Variants in MXRA8 observed in about 807,000 individuals in gnomAD.
MXRA8 encodes the protein matrix remodeling associated 8.
In MXRA8, 44 loss-of-function variants were observed where a neutral mutation model predicts 51.4. The observed-to-expected ratio is 0.86, with a 90% CI of 0.67 to 1.10. The LOEUF is 1.10. Among genes scored for constraint, MXRA8 ranks in the 50% least tolerant of loss-of-function variants. The pLI, the probability that MXRA8 is intolerant of heterozygous loss-of-function variation, is 0.00. For synonymous variants in MXRA8, 369 were observed against 293.5 expected, an observed-to-expected ratio of 1.26 and a Z score of -2.63; for missense variants, 765 against 638.9, an observed-to-expected ratio of 1.20 and a Z score of -2.13.
rs547100598 is a variant in MXRA8, at chr1:1,355,305, C to T, written c.417G>A (p.Leu139=). The T allele has an allele frequency of 5.7e-6, 9 of 1,580,188 alleles. No homozygotes were observed. In the African/African-American group the frequency reaches 7.0e-5, roughly 12 times the overall value. The change falls in exon 4 of 10, where the codon CTG becomes CTA. Residue 139 remains leucine (L), a synonymous_variant. Coordinates refer to ENST00000309212, the MANE Select transcript of MXRA8 (RefSeq NM_032348.4). ...CGTAGAGGTGGCAGTAGTGATGGTG[C>T]AGGTTGCAGGTGTACAGCCCCGCGT... ...ETDAGLYTCN[L]HHHYCHLYES...
upstream of MXRA8, among the ~76,000 whole-genome samples, chr1:1,360,123 C>T (rs544058842): frequency 1.9e-4 from 29 of 152,336 alleles, no homozygotes; most frequent in Middle Eastern, 3.4e-3. Flanking sequence ...CTGAGAGGGG[C>T]GCCTGGTCCG....
chr1:1,354,605 C>A, intron 5 of MXRA8, 77 bp downstream of exon 5: 2 of 1,551,126 alleles, frequency 1.3e-6, no homozygotes, highest in Non-Finnish European at 1.7e-6. Flanking sequence ...GGGCCTCGGG[C>A]AAGGGACAGC....
At chr1:1,362,315 A>G (rs985390249), upstream of MXRA8, among the ~76,000 whole-genome samples, 1 of 152,234 alleles carries the variant, frequency 6.6e-6, no homozygotes, top group African/African-American at 2.4e-5. Flanking sequence ...TACAGGCAAG[A>G]AGGTTTGAAA....
At chr1:1,356,173 A>G (rs1434590286) in intron 2 of MXRA8, among the ~76,000 whole-genome samples, 1 of 35,064 alleles carries the variant, frequency 2.9e-5, no homozygotes, top group South Asian at 1.2e-3. Flanking sequence ...CCTAGGGCCC[A>G]TGTGGGGGAA....
Position 1,353,592 on chromosome 1 carries a change from C to A in MXRA8, c.*12G>T. 1 of 1,560,082 alleles carries A rather than the reference C, an allele frequency of 6.4e-7. No individual in the cohort carries two copies. The highest frequency in any genetic ancestry group is 2.3e-5 in the East Asian group (1 of 42,678). ...GTGCAGCTGCTGGCCCAGCCAGGAG[C>A]CCAGGGCCTCCCTATTTGCAGTTCT... On this transcript the variant is annotated 3_prime_UTR_variant, in exon 10 of 10. Coordinates refer to ENST00000309212, the MANE Select transcript of MXRA8 (RefSeq NM_032348.4).
Position 1,354,483 on chromosome 1 carries a change from C to A in MXRA8, c.976G>T (p.Val326Phe), listed in dbSNP as rs141809370. The A allele has an allele frequency of 2.6e-4, 415 of 1,612,250 alleles. 3 individuals are homozygous for A. The East Asian group carries it at 4.2e-3, about 16-fold the overall frequency. ...CTCTCGGGGACGATGACATTGATGA[C>A]GTTGTGGCCGCGCGCCAGTGTGGGG... ...PDPTLARGHNVINVIVPESRA... is the reference protein window; with the variant it reads ...PDPTLARGHNFINVIVPESRA... The change falls in exon 6 of 10, where the codon GTC becomes TTC. Residue 326 changes from valine (V) to phenylalanine (F), a missense_variant. Physicochemically the swap from Val to Phe is conservative, Grantham distance 50. Transcript: ENST00000309212.
chr1:1,355,357 G>A lies in MXRA8; in HGVS notation c.377-12C>T. 1 of 1,569,654 alleles carries A rather than the reference G, an allele frequency of 6.4e-7. No individual in the cohort carries two copies. Among genetic ancestry groups the A allele is most frequent in the Non-Finnish European group, 8.6e-7 (1 of 1,162,496 alleles). ...CGTCTCCTCCACCGCTGCGCACCCA[G>A]GAGGAAGCCGCGCGTGAGCCTTGCG... On this transcript the variant is annotated splice_polypyrimidine_tract_variant and intron_variant, in intron 3 of 9. Transcript: ENST00000309212.
At chr1:1,359,974 G>A (rs555437725), upstream of MXRA8, among the ~76,000 whole-genome samples, 2 of 152,338 alleles carry the variant, frequency 1.3e-5, no homozygotes, top group East Asian at 3.9e-4. Context: ...ACACTCTGGG[G>A]CCTTGGCCTC....
intron 1 of MXRA8, among the ~76,000 whole-genome samples, chr1:1,357,370 G>A (rs998914126): frequency 2.6e-5 from 4 of 152,250 alleles, no homozygotes; most frequent in Non-Finnish European, 2.9e-5. Flanking sequence ...CCAGACGCCC[G>A]CCCTACGCAC....
At chr1:1,353,662 T>C (rs1253165814) in intron 9 of MXRA8, 33 bp from the exon 10 acceptor site, 3 of 1,548,198 alleles carry the variant, frequency 1.9e-6, no homozygotes, top group Admixed American at 3.8e-5. Context: ...GGTTGGCGGC[T>C]GTCCTCCACC....
intron 3 of MXRA8, 25 bp from the exon 4 acceptor site, chr1:1,355,370 C>A (rs1186812567): frequency 1.3e-6 from 2 of 1,562,022 alleles, no homozygotes; most frequent in African/African-American, 1.4e-5. Flanking sequence ...GGAAGCCGCG[C>A]GTGAGCCTTG....
At chr1:1,356,991 C>G (rs139450358) in intron 1 of MXRA8, among the ~76,000 whole-genome samples, 1 of 151,424 alleles carries the variant, frequency 6.6e-6, no homozygotes, top group Admixed American at 6.6e-5. Context: ...CGGGGCCACT[C>G]CACCTGGCTG....
upstream of MXRA8, chr1:1,358,596 G>C: frequency 1.3e-6 from 2 of 1,512,440 alleles, no homozygotes; most frequent in Admixed American, 2.2e-5. Flanking sequence ...TAGCACCCGC[G>C]GTGACATCAC....
chr1:1,363,069 G>A (rs375340181), upstream of MXRA8, among the ~76,000 whole-genome samples: 38 of 147,908 alleles, frequency 2.6e-4, no homozygotes, highest in East Asian at 6.4e-3. Flanking sequence ...GTGATAGGGC[G>A]AGACTCCGTC....
rs1644067949 is a variant in MXRA8, at chr1:1,354,201, C to G, written c.1137G>C (p.Lys379Asn). ...GYEYSDQKSG[K>N]SKGKDVNLAE... Reference sequence around the variant, plus strand: ...GGGAGGGGGGCACTCACCCCTTTGACTTTCCCGACTTCTGGTCCGAGTATT... The same window carrying G: ...GGGAGGGGGGCACTCACCCCTTTGAGTTTCCCGACTTCTGGTCCGAGTATT... Residue 379 changes from lysine (K) to asparagine (N), a missense_variant, in exon 7 of 10, where the codon AAG (lysine) becomes AAC (asparagine). Physicochemically the swap from Lys to Asn is moderately conservative, Grantham distance 94. Coordinates refer to ENST00000309212, the MANE Select transcript of MXRA8 (RefSeq NM_032348.4). 6.2e-7 allele frequency: 1 copy of G among 1,612,576 alleles called. No individual in the cohort carries two copies. Among genetic ancestry groups the G allele is most frequent in the Non-Finnish European group, 8.5e-7 (1 of 1,179,980 alleles).
At chr1:1,353,825 C>T (rs201656439) in intron 9 of MXRA8, 23 bp downstream of exon 9, 42 of 1,555,544 alleles carry the variant, frequency 2.7e-5, no homozygotes, top group African/African-American at 4.1e-5. Flanking sequence ...CTGAGATGGG[C>T]TGAGGTCGCC....
chr1:1,353,123 C>G lies in MXRA8; in HGVS notation c.*481G>C. The G allele has an allele frequency of 1.4e-6, 1 of 733,172 alleles. No homozygotes were observed. Among genetic ancestry groups the G allele is most frequent in the Non-Finnish European group, 2.4e-6 (1 of 420,238 alleles). The allele number at this position is 733,172 out of a possible 1,614,324, so 45.4% of individuals were successfully genotyped here. ...AGGCAGCACCCCAGGAGGAGTGGGACTCCTGCCGAGGCTGACCCCAACTTC... is the reference window on the plus strand; with the variant it reads ...AGGCAGCACCCCAGGAGGAGTGGGAGTCCTGCCGAGGCTGACCCCAACTTC... On this transcript the variant is annotated 3_prime_UTR_variant, in exon 10 of 10. Transcript: ENST00000309212.
In MXRA8 at chr1:1,354,484, G is replaced by T; in HGVS notation, c.975C>A (p.Asn325Lys). 6.2e-7 allele frequency: 1 copy of T among 1,612,278 alleles called. No individual in the cohort carries two copies. The highest frequency in any genetic ancestry group is 1.1e-5 in the South Asian group (1 of 91,070). Residue 325 changes from asparagine to lysine, a missense_variant, in exon 6 of 10, where the codon AAC becomes AAA. Coordinates refer to ENST00000309212, the MANE Select transcript of MXRA8 (RefSeq NM_032348.4). ...GPDPTLARGH[N>K]VINVIVPESR... is the part of the protein sequence containing the mutation. ...TCTCGGGGACGATGACATTGATGAC[G>T]TTGTGGCCGCGCGCCAGTGTGGGGT...
chr1:1,353,215 C>T lies in MXRA8; in HGVS notation c.*389G>A, dbSNP rs1282374390. The T allele has an allele frequency of 4.6e-6, 6 of 1,304,402 alleles. No individual in the cohort carries two copies. In the African/African-American group the frequency reaches 7.3e-5, roughly 16 times the overall value. The allele number at this position is 1,304,402 out of a possible 1,614,324, so 80.8% of individuals were successfully genotyped here. A position where few individuals can be genotyped will look rare whatever the true frequency, so the allele number is the denominator to read the frequency against. ...ATCTCCCAGCCCCCGACGAGCAGAG[C>T]CCTGGAGGAGTGGGACTCCTGCCCT... On this transcript the variant is annotated 3_prime_UTR_variant, in exon 10 of 10. Coordinates refer to ENST00000309212, the MANE Select transcript of MXRA8 (RefSeq NM_032348.4).
Sources: gnomAD v4.1 joint callset for allele counts (sites outside exome capture counted in the v4.1 genomes callset) on GRCh38, gnomAD v4.1.1 for gene constraint, MANE v1.5 for transcripts, NCBI Gene and HGNC (gene_info 2026-07-23, HGNC 2026-07-21) for gene names.